MAGED1: variants seen among roughly 807,000 people sequenced by gnomAD.
The protein encoded by MAGED1 is MAGE family member D1.
MAGED1 carries 3 observed loss-of-function variants against 54.1 expected under a neutral mutation model. The ratio of observed to expected loss-of-function variants is 0.06; its 90% CI spans 0.03 to 0.14. MAGED1 has a LOEUF of 0.14. MAGED1 is among the 10% of genes least tolerant of loss of function. MAGED1 has a pLI of 1.00. For missense variants in MAGED1, 485 were observed against 623.4 expected (o/e 0.78, Z 2.36); for synonymous variants, 217 against 227.3 (o/e 0.95, Z 0.41).
chrX:51,841,063 T>A (rs1393023278), intron 1 of MAGED1, among the ~76,000 whole-genome samples: 1 of 105,538 alleles, frequency 9.5e-6, no homozygotes, highest in Non-Finnish European at 2.0e-5. Flanking sequence ...AGTGTAAAAG[T>A]GTTCCTATTT....
At chrX:51,872,313 G>A (rs1217088246) in intron 1 of MAGED1, among the ~76,000 whole-genome samples, 1 of 111,467 alleles carries the variant, frequency 9.0e-6, no homozygotes, top group Non-Finnish European at 1.9e-5. Context: ...GGCTTTTGTT[G>A]CCATTGCTTT....
At chrX:51,852,876 C>A (rs1415609513) in intron 1 of MAGED1, among the ~76,000 whole-genome samples, 2 of 111,491 alleles carry the variant, frequency 1.8e-5, no homozygotes, top group Non-Finnish European at 3.8e-5. Context: ...GTTATGCTGG[C>A]AGAAATGGAG....
At chrX:51,840,723 T>G (rs1372004667) in intron 1 of MAGED1, among the ~76,000 whole-genome samples, 2 of 109,770 alleles carry the variant, frequency 1.8e-5, no homozygotes, top group Admixed American at 1.9e-4. Flanking sequence ...CTGAGAATGA[T>G]GATTTCCAAT....
At chrX:51,878,098 T>A (rs1352040868) in intron 1 of MAGED1, among the ~76,000 whole-genome samples, 6 of 111,644 alleles carry the variant, frequency 5.4e-5, no homozygotes, top group African/African-American at 1.9e-4. Flanking sequence ...AGGGACTCTA[T>A]GTCACAAGAT....
intron 1 of MAGED1, among the ~76,000 whole-genome samples, chrX:51,809,195 A>G (rs929933088): frequency 9.0e-6 from 1 of 110,999 alleles, no homozygotes; most frequent in Non-Finnish European, 1.9e-5. Context: ...GCTCACTGCA[A>G]TCTCCGCCTG....
intron 2 of MAGED1, chrX:51,894,632 T>G: frequency 8.4e-7 from 1 of 1,193,883 alleles, no homozygotes. Context: ...TCCAGAATCC[T>G]GACGCTTGTA....
At chrX:51,890,832 C>CAAA (rs11393540), upstream of MAGED1, among the ~76,000 whole-genome samples, 4 of 62,899 alleles carry the variant, frequency 6.4e-5, no homozygotes, top group Non-Finnish European at 8.8e-5. Context: ...ATAAGATTGG[C>CAAA]AAAAAAAAAA....
At chrX:51,855,805 C>T (rs1364850511) in intron 1 of MAGED1, among the ~76,000 whole-genome samples, 1 of 111,507 alleles carries the variant, frequency 9.0e-6, no homozygotes, top group African/African-American at 3.3e-5. Context: ...GGATTACAGG[C>T]ATGAGCCCCC....
At chrX:51,822,344 G>A (rs782516888) in intron 1 of MAGED1, among the ~76,000 whole-genome samples, 42 of 111,131 alleles carry the variant, frequency 3.8e-4, no homozygotes, top group East Asian at 3.7e-3. Flanking sequence ...CTTATTTATA[G>A]CATTTTTTTA....
At chrX:51,811,803 A>G (rs1424783865) in intron 1 of MAGED1, among the ~76,000 whole-genome samples, 2 of 111,481 alleles carry the variant, frequency 1.8e-5, no homozygotes, top group Non-Finnish European at 3.8e-5. Context: ...TGAGAAAGGA[A>G]AACATACACT....
chrX:51,847,119 C>T (rs919041170), intron 1 of MAGED1, among the ~76,000 whole-genome samples: 1 of 111,784 alleles, frequency 8.9e-6, no homozygotes, highest in Non-Finnish European at 1.9e-5. Context: ...AACAGGGATT[C>T]ACTATCCAGA....
At chrX:51,833,864 GC>G (rs1926154491) in intron 1 of MAGED1, among the ~76,000 whole-genome samples, 1 of 111,378 alleles carries the variant, frequency 9.0e-6, no homozygotes, top group South Asian at 3.8e-4. Flanking sequence ...TGCAATTGAA[GC>G]CCCCTGTATG....
intron 1 of MAGED1, among the ~76,000 whole-genome samples, chrX:51,836,104 C>T (rs1380065351): frequency 9.0e-6 from 1 of 111,311 alleles, no homozygotes; most frequent in East Asian, 2.8e-4. Context: ...CTCTACTTAA[C>T]TTTGTAAATG....
intron 1 of MAGED1, among the ~76,000 whole-genome samples, chrX:51,820,595 T>TGTTTTCTTTTTTAA (rs1264658353): frequency 9.0e-6 from 1 of 111,574 alleles, no homozygotes; most frequent in Non-Finnish European, 1.9e-5. Context: ...TAAATGGACT[T>TGTTTTCTTTTTTAA]GTTTTCTTTT....
chrX:51,821,224 A>T (rs781814956), intron 1 of MAGED1, among the ~76,000 whole-genome samples: 1 of 111,591 alleles, frequency 9.0e-6, no homozygotes, highest in Non-Finnish European at 1.9e-5. Flanking sequence ...ATCCACAAAT[A>T]GAGATAGTTG....
intron 1 of MAGED1, among the ~76,000 whole-genome samples, chrX:51,887,933 T>C (rs1437869422): frequency 1.8e-5 from 2 of 110,426 alleles, no homozygotes; most frequent in Non-Finnish European, 3.8e-5. Flanking sequence ...GCAAACCATA[T>C]ATCTGACAAA....
At chrX:51,837,881 T>C (rs782420403) in intron 1 of MAGED1, among the ~76,000 whole-genome samples, 1 of 112,843 alleles carries the variant, frequency 8.9e-6, no homozygotes, top group Non-Finnish European at 1.9e-5. Flanking sequence ...GAGTATTAAA[T>C]GCAATTGTCA....
intron 1 of MAGED1, among the ~76,000 whole-genome samples, chrX:51,865,133 C>T (rs1334923558): frequency 2.7e-5 from 3 of 112,155 alleles, no homozygotes; most frequent in African/African-American, 9.7e-5. Flanking sequence ...CCTCTTATAC[C>T]TAATTTGTTG....
At chrX:51,836,070 C>T (rs1602224859) in intron 1 of MAGED1, among the ~76,000 whole-genome samples, 1 of 111,401 alleles carries the variant, frequency 9.0e-6, no homozygotes, top group African/African-American at 3.3e-5. Context: ...TTAATTTGGG[C>T]GTCTTTGTTA....
Sources: gnomAD v4.1 joint callset for allele counts (sites outside exome capture counted in the v4.1 genomes callset) on GRCh38, gnomAD v4.1.1 for gene constraint, MANE v1.5 for transcripts, NCBI Gene and HGNC (gene_info 2026-07-23, HGNC 2026-07-21) for gene names.